The following TRERF1 variants were observed in gnomAD, a reference collection of about 807,000 sequenced individuals.
The protein encoded by TRERF1 is transcriptional regulating factor 1.
Under a neutral mutation model 122.9 loss-of-function variants are expected in TRERF1, and 27 were observed. The ratio of observed to expected loss-of-function variants is 0.22; its 90% CI spans 0.16 to 0.30. The LOEUF is 0.30. Among genes scored for constraint, TRERF1 ranks in the 10% least tolerant of loss-of-function variants. The pLI is 1.00. For missense variants in TRERF1, 1,248 were observed against 1,560.3 expected (o/e 0.80, Z 3.37); for synonymous variants, 636 against 641.7 (o/e 0.99, Z 0.13).
At chr6:42,387,632 G>A (rs554090222) in intron 2 of TRERF1, among the ~76,000 whole-genome samples, 20 of 152,252 alleles carry the variant, frequency 1.3e-4, no homozygotes, top group African/African-American at 3.9e-4. Flanking sequence ...GGGAGGCAAC[G>A]CCTCCCCAGT....
At chr6:42,243,335 G>A (rs768151696) in exon 15 of TRERF1, 12 of 1,613,906 alleles carry the variant, frequency 7.4e-6, no homozygotes, top group African/African-American at 2.7e-5. Flanking sequence ...AGTACTCCAC[G>A]CACTGAGCCA....
intron 2 of TRERF1, among the ~76,000 whole-genome samples, chr6:42,363,902 A>G (rs1397310823): frequency 1.3e-5 from 2 of 152,106 alleles, no homozygotes; most frequent in East Asian, 3.9e-4. Context: ...GAGACAATAA[A>G]TCTGTGGTTT....
At position 42,263,646 on chromosome 6, in the gene TRERF1, G is replaced by A. The variant is rs2149837454; in HGVS notation, c.1636-78C>T. ...GGGATGCACTTTGCTTTTCCCGAAA[G>A]GTTCCAGGACATCAGGTATGGGTGA... is the stretch of plus-strand genomic sequence containing the variant. On this transcript the variant is annotated intron_variant, in intron 7 of 17. Coordinates refer to ENST00000372922, the Ensembl canonical transcript of TRERF1. The surrounding 1 kb of genome is among the most constrained non-coding windows in gnomAD (Gnocchi z 5.6). The A allele has an allele frequency of 7.1e-7, 1 of 1,403,664 alleles. No individual in the cohort carries two copies. Among genetic ancestry groups the A allele is most frequent in the Non-Finnish European group, 9.3e-7 (1 of 1,074,310 alleles). 87.0% of individuals were successfully genotyped at this position (1,403,664 alleles called of 1,614,324 possible). A position where few individuals can be genotyped will look rare whatever the true frequency, so the allele number is the denominator to read the frequency against.
intron 13 of TRERF1, 91 bp downstream of exon 13, chr6:42,254,759 CG>C: frequency 1.7e-6 from 2 of 1,167,010 alleles, no homozygotes; most frequent in South Asian, 2.5e-5. Context: ...AGGACAGAAC[CG>C]GTGTTATCCA....
intron 3 of TRERF1, among the ~76,000 whole-genome samples, chr6:42,322,359 A>C (rs549269564): frequency 2.9e-4 from 44 of 152,290 alleles, no homozygotes; most frequent in African/African-American, 5.8e-4. Context: ...CTAAACTAAA[A>C]TAAAATAAAA....
chr6:42,437,755 G>A (rs1407641942), intron 2 of TRERF1, among the ~76,000 whole-genome samples: 1 of 152,070 alleles, frequency 6.6e-6, no homozygotes, highest in African/African-American at 2.4e-5. Context: ...CTAGCCATAC[G>A]ACCTTGAACG....
rs10627056 is a variant in TRERF1 at position 42,299,116 on chromosome 6, C to CTGTCTGTCTGTATCTATCTA, written c.-259+1521_-259+1522insTAGATAGATACAGACAGACA. 4.2e-5 allele frequency among the ~76,000 whole-genome samples: 6 copies of CTGTCTGTCTGTATCTATCTA among 141,670 alleles called. No homozygotes were observed. In the East Asian group the frequency reaches 5.9e-4, roughly 14 times the overall value. 92.9% of individuals were successfully genotyped at this position (141,670 alleles called of 152,430 possible). On this transcript the variant is annotated intron_variant, in intron 4 of 17. Transcript: ENST00000372922. Reference sequence around the variant, plus strand: ...TCTATCTGTCTGTCTGTCTGTCTGTCTCTATCTATCTATCTATCTACATAT... The same window carrying CTGTCTGTCTGTATCTATCTA: ...TCTATCTGTCTGTCTGTCTGTCTGTCTGTCTGTCTGTATCTATCTATCTATCTATCTATCTATCTACATAT...
intron 2 of TRERF1, among the ~76,000 whole-genome samples, chr6:42,401,111 G>C (rs1779317130): frequency 6.6e-6 from 1 of 152,218 alleles, no homozygotes; most frequent in East Asian, 1.9e-4. Flanking sequence ...TTGAAGAGGA[G>C]GGCACAGGCC....
At chr6:42,424,826 T>C (rs1289100858) in intron 2 of TRERF1, among the ~76,000 whole-genome samples, 6 of 152,252 alleles carry the variant, frequency 3.9e-5, no homozygotes, top group African/African-American at 1.4e-4. Flanking sequence ...TACACTTTTC[T>C]TTCATAGCTC....
At chr6:42,304,410 C>T (rs1261898379) in intron 3 of TRERF1, among the ~76,000 whole-genome samples, 1 of 152,210 alleles carries the variant, frequency 6.6e-6, no homozygotes, top group Non-Finnish European at 1.5e-5. Flanking sequence ...ACTGAGCACG[C>T]TGCCCCTGCT....
At chr6:42,451,022 G>T (rs1172538509) in intron 2 of TRERF1, among the ~76,000 whole-genome samples, 155 bp downstream of exon 2, 1 of 152,118 alleles carries the variant, frequency 6.6e-6, no homozygotes, top group Non-Finnish European at 1.5e-5. Flanking sequence ...GGGAAGAAGG[G>T]AGAAGGCCTG....
Position 42,276,900 on chromosome 6 carries a change from G to A in TRERF1, c.-258-7052C>T, listed in dbSNP as rs141775501. 1.5e-4 allele frequency among the ~76,000 whole-genome samples: 23 copies of A among 152,258 alleles called. No homozygotes were observed. Among genetic ancestry groups the A allele is most frequent in the African/African-American group, 5.3e-4 (22 of 41,560 alleles). On this transcript the variant is annotated intron_variant, in intron 4 of 17. Transcript: ENST00000372922. The surrounding 1 kb of genome is among the most constrained non-coding windows in gnomAD (Gnocchi z 4.3). Reference sequence around the variant, plus strand: ...AGCCCTGGGGATCAGTAGGAAGCCCGACGCATAGCTCAGGAACCTGCAAAA... The same window carrying A: ...AGCCCTGGGGATCAGTAGGAAGCCCAACGCATAGCTCAGGAACCTGCAAAA...
chr6:42,358,690 C>G (rs1334965802), intron 3 of TRERF1, among the ~76,000 whole-genome samples: 1 of 150,482 alleles, frequency 6.6e-6, no homozygotes, highest in Non-Finnish European at 1.5e-5. Context: ...ATGGTTTTTT[C>G]ATAAAAGCTT....
At chr6:42,239,745 C>T (rs1773195899) in intron 15 of TRERF1, among the ~76,000 whole-genome samples, 1 of 152,092 alleles carries the variant, frequency 6.6e-6, no homozygotes, top group African/African-American at 2.4e-5. Context: ...CCCAGGATCC[C>T]CATGATCCCA....
chr6:42,270,182 CCTCT>C (rs534148452), intron 4 of TRERF1, among the ~76,000 whole-genome samples: 23 of 151,480 alleles, frequency 1.5e-4, no homozygotes, highest in South Asian at 6.3e-4. Flanking sequence ...TAAAACCGCA[CCTCT>C]CTCTCTCTCT....
intron 8 of TRERF1, among the ~76,000 whole-genome samples, chr6:42,261,280 TCCAGACCTCTGATCACAGGG>T (rs1440799850): frequency 6.6e-6 from 1 of 152,008 alleles, no homozygotes; most frequent in Non-Finnish European, 1.5e-5. Context: ...AGCACTGCAA[TCCAGACCTCTGATCACAGGG>T]CCAGAGGTCC....
intron 4 of TRERF1, among the ~76,000 whole-genome samples, chr6:42,284,395 C>T (rs1198886391): frequency 6.6e-6 from 1 of 152,176 alleles, no homozygotes; most frequent in African/African-American, 2.4e-5. Context: ...CTTGCTCACA[C>T]CTAATTTGGC....
chr6:42,395,523 C>A (rs908440620), intron 2 of TRERF1, among the ~76,000 whole-genome samples: 1 of 152,090 alleles, frequency 6.6e-6, no homozygotes, highest in African/African-American at 2.4e-5. Context: ...TTTGCCCACT[C>A]GGACTCAACA....
At position 42,228,133 on chromosome 6, in the gene TRERF1, G is replaced by C; in HGVS notation, c.*212C>G. 2.1e-6 allele frequency: 1 copy of C among 472,910 alleles called. No homozygotes were observed. The highest frequency in any genetic ancestry group is 3.7e-6 in the Non-Finnish European group (1 of 270,826). 29.3% of individuals were successfully genotyped at this position (472,910 alleles called of 1,614,324 possible). ...TGAAACACCTCTTAAAGATAGTTGTGCCAATTATTTATTCCCCCAACCCCC... is the reference window on the plus strand; with the variant it reads ...TGAAACACCTCTTAAAGATAGTTGTCCCAATTATTTATTCCCCCAACCCCC... On this transcript the variant is annotated 3_prime_UTR_variant, in exon 18 of 18. Transcript: ENST00000372922. This position sits in a 1 kb window ranked among gnomAD's most constrained non-coding sequence, Gnocchi z 4.2.
Sources: allele counts gnomAD v4.1 joint callset (sites outside exome capture counted in the v4.1 genomes callset), GRCh38; gene constraint gnomAD v4.1.1; non-coding constraint Gnocchi (gnomAD v3.1); transcripts MANE v1.5; gene names NCBI Gene and HGNC (gene_info 2026-07-23, HGNC 2026-07-21).